Variants in ACSF2 observed in about 807,000 individuals in gnomAD.
ACSF2 encodes medium-chain acyl-CoA ligase ACSF2, mitochondrial.
ACSF2 carries 52 observed loss-of-function variants against 79.3 expected under a neutral mutation model. The ratio of observed to expected loss-of-function variants is 0.66; its 90% CI spans 0.53 to 0.83. The LOEUF is 0.83. ACSF2 is among the 40% of genes least tolerant of loss of function. The probability of loss-of-function intolerance (pLI) is 0.00; values close to 1 mark genes in which losing one functional copy is unlikely to be tolerated. For missense variants in ACSF2, 661 were observed against 803.3 expected, an observed-to-expected ratio of 0.82 and a Z score of 2.14; for synonymous variants, 283 against 312.6, an observed-to-expected ratio of 0.91 and a Z score of 1.00.
chr17:50,429,440 C>T (rs1915321822), intron 1 of ACSF2, among the ~76,000 whole-genome samples: 1 of 152,022 alleles, frequency 6.6e-6, no homozygotes, highest in African/African-American at 2.4e-5. Flanking sequence ...GACTTCCACC[C>T]AGCTACATGT....
chr17:50,426,319 G>C lies in ACSF2; in HGVS notation c.58G>C (p.Val20Leu). 7.0e-7 allele frequency: 1 copy of C among 1,421,694 alleles called. No homozygotes were observed. The highest frequency in any genetic ancestry group is 9.2e-7 in the Non-Finnish European group (1 of 1,081,520). The allele number at this position is 1,421,694 out of a possible 1,614,324, so 88.1% of individuals were successfully genotyped here. A position where few individuals can be genotyped will look rare whatever the true frequency, so the allele number is the denominator to read the frequency against. The change falls in exon 1 of 16, where the codon GTG becomes CTG. Residue 20 changes from valine (V) to leucine (L), a missense_variant. Val to Leu is a conservative substitution (Grantham distance 32). Coordinates refer to ENST00000300441, the MANE Select transcript of ACSF2 (RefSeq NM_025149.6). The stretch of plus-strand genomic sequence containing the variant: ...GAGGCTGTGCGCCGGGAGCTCGGGG[G>C]TGCTGGGGGCCCGGGCCGCCCTCTC... ...LGRLCAGSSG[V>L]LGARAALSRS...
intron 10 of ACSF2, chr17:50,468,915 G>A (rs2032944359): frequency 7.1e-7 from 1 of 1,411,654 alleles, no homozygotes; most frequent in African/African-American, 1.5e-5. Flanking sequence ...TTATACGGTG[G>A]CCCTGACCGC....
chr17:50,455,553 G>C (rs1039866230), intron 1 of ACSF2, among the ~76,000 whole-genome samples: 30 of 152,132 alleles, frequency 2.0e-4, no homozygotes, highest in Non-Finnish European at 4.1e-4. Context: ...GGGGAGACTT[G>C]GAGCTCCAGC....
chr17:50,461,452 G>C, intron 3 of ACSF2, 82 bp downstream of exon 3: 1 of 1,602,364 alleles, frequency 6.2e-7, no homozygotes, highest in Non-Finnish European at 8.5e-7. Context: ...CTCAGCCCCA[G>C]GATCAAACCA....
At chr17:50,468,784 G>A (rs777910103) in intron 10 of ACSF2, 7 of 1,566,902 alleles carry the variant, frequency 4.5e-6, no homozygotes, top group Admixed American at 3.7e-5. Flanking sequence ...CCAGGAGGCC[G>A]AGGCTGAGCA....
chr17:50,470,369 AG>A (rs1243785180), intron 10 of ACSF2, among the ~76,000 whole-genome samples: 5 of 151,846 alleles, frequency 3.3e-5, no homozygotes, highest in Non-Finnish European at 7.4e-5. Flanking sequence ...TCTGTTGCTC[AG>A]GCTTTCCAAC....
intron 10 of ACSF2, among the ~76,000 whole-genome samples, chr17:50,470,693 G>A (rs1355940997): frequency 1.3e-5 from 2 of 152,198 alleles, no homozygotes; most frequent in East Asian, 3.9e-4. Flanking sequence ...GATGGGGGGA[G>A]AAGTGTGGGG....
chr17:50,446,457 C>T (rs2031307730), intron 1 of ACSF2, among the ~76,000 whole-genome samples: 1 of 152,130 alleles, frequency 6.6e-6, no homozygotes, highest in African/African-American at 2.4e-5. Flanking sequence ...GGGGTTTCAC[C>T]ATGTTGGTCA....
intron 1 of ACSF2, among the ~76,000 whole-genome samples, chr17:50,453,629 C>T (rs1598410747): frequency 6.6e-6 from 1 of 152,148 alleles, no homozygotes. Flanking sequence ...TATCAATATC[C>T]TGGCTATAAT....
intron 10 of ACSF2, chr17:50,469,025 C>G: frequency 7.5e-7 from 1 of 1,331,466 alleles, no homozygotes; most frequent in Non-Finnish European, 9.5e-7. Flanking sequence ...GGGAAGGGGG[C>G]GGGGCCGTTC....
intron 1 of ACSF2, among the ~76,000 whole-genome samples, chr17:50,459,506 G>A (rs755525180): frequency 6.6e-6 from 1 of 152,224 alleles, no homozygotes; most frequent in Non-Finnish European, 1.5e-5. Flanking sequence ...GCCTCCCAAA[G>A]TGCTGGCAAG....
chr17:50,464,754 T>C (rs2032570112), intron 10 of ACSF2: 2 of 284,418 alleles, frequency 7.0e-6, no homozygotes, highest in Admixed American at 4.4e-5. Context: ...CAACCTGTTG[T>C]GGTTCTGATT....
At chr17:50,449,065 G>A (rs1427202468) in intron 1 of ACSF2, among the ~76,000 whole-genome samples, 1 of 136,154 alleles carries the variant, frequency 7.3e-6, no homozygotes, top group East Asian at 2.1e-4. Flanking sequence ...CACCCAGGCT[G>A]GAGTGCAGTG....
Position 50,474,290 on chromosome 17 carries a change from G to C in ACSF2, c.1797+23G>C. 6.2e-6 allele frequency: 10 copies of C among 1,613,742 alleles called. No individual in the cohort carries two copies. Among genetic ancestry groups the C allele is most frequent in the Non-Finnish European group, 8.5e-6 (10 of 1,179,614 alleles). The stretch of plus-strand genomic sequence containing the variant: ...AAGGTGTGTAAGGTGGAGGAGGCTG[G>C]GGAGGGCAGCCTGGGCTCTGGGGCC... On this transcript the variant is annotated intron_variant, in intron 15 of 15. Coordinates refer to ENST00000300441, the MANE Select transcript of ACSF2 (RefSeq NM_025149.6). This position sits in a 1 kb window ranked among gnomAD's most constrained non-coding sequence, Gnocchi z 4.2.
chr17:50,450,642 G>A (rs1236853093), intron 1 of ACSF2: 5 of 154,044 alleles, frequency 3.2e-5, no homozygotes, highest in South Asian at 4.1e-4. Context: ...GTTCATCCAC[G>A]GTGAGGACTC....
chr17:50,434,796 G>C (rs1364704910), intron 1 of ACSF2, among the ~76,000 whole-genome samples: 1 of 152,050 alleles, frequency 6.6e-6, no homozygotes, highest in Non-Finnish European at 1.5e-5. Context: ...CCTCAGGGTG[G>C]TTATGTCGAG....
Position 50,460,705 on chromosome 17 carries a change from A to G in ACSF2, c.157A>G (p.Thr53Ala), listed in dbSNP as rs1043543929. The change falls in exon 2 of 16, where the codon ACG (threonine) becomes GCG (alanine). Residue 53 changes from threonine (T) to alanine (A), a missense_variant. Thr to Ala is a moderately conservative substitution (Grantham distance 58). Coordinates refer to ENST00000300441, the MANE Select transcript of ACSF2 (RefSeq NM_025149.6). ...CAGAGAGGTGGATCGCATGGTCTCC[A>G]CGCCCATCGGAGGCCTCAGCTACGT... is the stretch of plus-strand genomic sequence containing the variant. ...SSREVDRMVS[T>A]PIGGLSYVQG... 4 of 1,612,962 alleles carry G rather than the reference A, an allele frequency of 2.5e-6. No homozygotes were observed. The highest frequency in any genetic ancestry group is 3.4e-6 in the Non-Finnish European group (4 of 1,179,526).
chr17:50,466,444 C>T (rs1283935373), intron 10 of ACSF2, among the ~76,000 whole-genome samples: 2 of 152,172 alleles, frequency 1.3e-5, no homozygotes, highest in Non-Finnish European at 1.5e-5. Context: ...CAGTCCTTTG[C>T]CCTGGGTCAC....
intron 1 of ACSF2, among the ~76,000 whole-genome samples, chr17:50,449,364 C>A (rs1030239744): frequency 6.7e-6 from 1 of 149,562 alleles, no homozygotes; most frequent in Non-Finnish European, 1.5e-5. Flanking sequence ...TAAATGTTTT[C>A]AAGGTTCCAC....
Sources: gnomAD v4.1 joint callset for allele counts (sites outside exome capture counted in the v4.1 genomes callset) on GRCh38, gnomAD v4.1.1 for gene constraint, Gnocchi (gnomAD v3.1) non-coding constraint, MANE v1.5 for transcripts, NCBI Gene and HGNC (gene_info 2026-07-23, HGNC 2026-07-21) for gene names.